RBFOX1: variants seen among roughly 807,000 people sequenced by gnomAD.
RBFOX1 encodes RNA binding fox-1 homolog 1.
RBFOX1 carries 8 observed loss-of-function variants against 57.7 expected under a neutral mutation model. The observed-to-expected ratio is 0.14, with a 90% CI of 0.08 to 0.25. The LOEUF (loss-of-function observed/expected upper bound fraction) is 0.25. RBFOX1 is among the 10% of genes least tolerant of loss of function. The pLI, the probability that RBFOX1 is intolerant of heterozygous loss-of-function variation, is 1.00. For missense variants in RBFOX1, 611 were observed against 548.5 expected (o/e 1.11, Z -1.14); for synonymous variants, 326 against 222.4 (o/e 1.47, Z -4.15).
At chr16:6,892,201 T>C (rs2065610755) in intron 3 of RBFOX1, among the ~76,000 whole-genome samples, 1 of 152,152 alleles carries the variant, frequency 6.6e-6, no homozygotes, top group Non-Finnish European at 1.5e-5. Context: ...TAATGCCCTT[T>C]GGCCAAGCAG....
At chr16:5,984,800 CA>C (rs2060248384) in intron 4 of RBFOX1, among the ~76,000 whole-genome samples, 1 of 151,778 alleles carries the variant, frequency 6.6e-6, no homozygotes, top group Admixed American at 6.6e-5. Flanking sequence ...TCCTAGGCTA[CA>C]AACTTATATG....
chr16:6,740,990 C>A (rs2071899881), intron 3 of RBFOX1, among the ~76,000 whole-genome samples: 3 of 152,120 alleles, frequency 2.0e-5, no homozygotes, highest in Admixed American at 1.3e-4. Flanking sequence ...CTCCAGTCAT[C>A]ATCGCTATGT....
intron 11 of RBFOX1, among the ~76,000 whole-genome samples, chr16:7,632,222 T>G (rs1398243641): frequency 6.6e-6 from 1 of 152,196 alleles, no homozygotes; most frequent in Non-Finnish European, 1.5e-5. Flanking sequence ...ACTATAATCT[T>G]TAATGGCAAT....
chr16:5,718,923 A>G (rs188556812), intron 3 of RBFOX1, among the ~76,000 whole-genome samples: 1 of 151,996 alleles, frequency 6.6e-6, no homozygotes, highest in East Asian at 1.9e-4. Flanking sequence ...TGAATGAATG[A>G]ATGAATGAAT....
chr16:5,985,116 G>C (rs1379864560), intron 4 of RBFOX1, among the ~76,000 whole-genome samples: 1 of 150,412 alleles, frequency 6.6e-6, no homozygotes, highest in Non-Finnish European at 1.5e-5. Flanking sequence ...CTCCTGAGTA[G>C]CCAGGACTAC....
intron 4 of RBFOX1, among the ~76,000 whole-genome samples, chr16:5,979,054 A>T (rs112459952): frequency 2.0e-5 from 3 of 152,332 alleles, no homozygotes; most frequent in African/African-American, 7.2e-5. Flanking sequence ...AGAACCATGG[A>T]CAATGGTTTA....
At chr16:6,831,468 A>C (rs11861146) in intron 3 of RBFOX1, among the ~76,000 whole-genome samples, 82,849 of 151,994 alleles carry the variant, frequency 0.55, 23,802 homozygotes, top group East Asian at 0.79. Context: ...CCTCCAACCA[A>C]ATGCCCATTA....
intron 2 of RBFOX1, among the ~76,000 whole-genome samples, chr16:5,479,620 G>C (rs2069452233): frequency 7.0e-6 from 1 of 143,312 alleles, no homozygotes; most frequent in African/African-American, 2.6e-5. Flanking sequence ...TTAGCTGCGT[G>C]TGGTGGTGCA....
At chr16:5,962,836 TTA>T (rs1358434393) in intron 4 of RBFOX1, among the ~76,000 whole-genome samples, 8 of 146,168 alleles carry the variant, frequency 5.5e-5, no homozygotes, top group African/African-American at 2.1e-4. Flanking sequence ...TTTTTTTTTT[TTA>T]ATATATAATG....
At chr16:6,259,169 C>T (rs976448676) in intron 1 of RBFOX1, among the ~76,000 whole-genome samples, 1 of 152,192 alleles carries the variant, frequency 6.6e-6, no homozygotes, top group African/African-American at 2.4e-5. Context: ...AAATTGGATA[C>T]AAGCCTAGCT....
At chr16:5,766,987 T>A (rs1434984665) in intron 3 of RBFOX1, among the ~76,000 whole-genome samples, 1 of 152,172 alleles carries the variant, frequency 6.6e-6, no homozygotes, top group Non-Finnish European at 1.5e-5. Context: ...TATTTCAGGG[T>A]TTTCTGTATC....
At chr16:7,503,392 A>G (rs1220379199) in intron 4 of RBFOX1, among the ~76,000 whole-genome samples, 2 of 152,228 alleles carry the variant, frequency 1.3e-5, no homozygotes, top group Middle Eastern at 3.2e-3. Flanking sequence ...AAGCAGGCAG[A>G]GAATACTCTG....
rs533971973 is a variant in RBFOX1 at position 5,485,149 on chromosome 16, G to A, written c.258+17895G>A. ...ATGACGAGGTCAGAAGATCAAGACC[G>A]TCCTGGCTAACATGGAGAAACCCCG... On this transcript the variant is annotated intron_variant, in intron 2 of 2. Coordinates refer to the RBFOX1 transcript ENST00000585867. Among the ~76,000 whole-genome samples, 74 of 151,478 alleles carry A rather than the reference G, an allele frequency of 4.9e-4. 1 individual carries two copies. Among genetic ancestry groups the A allele is most frequent in the African/African-American group, 1.6e-3 (65 of 41,286 alleles).
Position 6,840,339 on chromosome 16 carries a change from A to G in RBFOX1, c.-16+185689A>G, listed in dbSNP as rs184808325. 1.5e-3 allele frequency among the ~76,000 whole-genome samples: 230 copies of G among 152,282 alleles called. 1 individual carries two copies. The highest frequency in any genetic ancestry group is 4.4e-3 in the African/African-American group (181 of 41,560). ...GGCTGCAGGGCCGCCTCTAACATTC[A>G]TTCGTTCATTCATTGGTCCCTGTAT... On this transcript the variant is annotated intron_variant, in intron 3 of 15. Coordinates refer to ENST00000550418, the MANE Select transcript of RBFOX1 (RefSeq NM_018723.4).
At chr16:7,698,021 C>T (rs757698577) in intron 14 of RBFOX1, among the ~76,000 whole-genome samples, 21 of 152,110 alleles carry the variant, frequency 1.4e-4, no homozygotes, top group South Asian at 2.1e-4. Flanking sequence ...AAGCATGTTG[C>T]GTATTAGGGA....
intron 1 of RBFOX1, among the ~76,000 whole-genome samples, chr16:6,162,237 C>T (rs1027400489): frequency 6.6e-6 from 1 of 152,142 alleles, no homozygotes; most frequent in Non-Finnish European, 1.5e-5. Flanking sequence ...CCTGTGTCAG[C>T]CTCCCTAGTA....
intron 1 of RBFOX1, among the ~76,000 whole-genome samples, chr16:6,232,403 G>T (rs2097469761): frequency 6.6e-6 from 1 of 152,158 alleles, no homozygotes; most frequent in African/African-American, 2.4e-5. Context: ...TGAATAATGG[G>T]ACCGAATGAG....
At chr16:5,965,065 A>T (rs2059817778) in intron 4 of RBFOX1, among the ~76,000 whole-genome samples, 1 of 152,194 alleles carries the variant, frequency 6.6e-6, no homozygotes, top group African/African-American at 2.4e-5. Context: ...AATATCACTT[A>T]TACGTAGAAT....
intron 1 of RBFOX1, among the ~76,000 whole-genome samples, chr16:6,095,793 G>C (rs186695638): frequency 2.6e-5 from 4 of 152,300 alleles, no homozygotes; most frequent in African/African-American, 9.6e-5. Context: ...TGACCCACCT[G>C]AGTCTGGGAT....
Sources: allele counts gnomAD v4.1 joint callset (sites outside exome capture counted in the v4.1 genomes callset), GRCh38; gene constraint gnomAD v4.1.1; transcripts MANE v1.5; gene names NCBI Gene and HGNC (gene_info 2026-07-23, HGNC 2026-07-21).